Variants in KTN1 observed in about 807,000 individuals in gnomAD.
KTN1 encodes the protein kinectin.
Under a neutral mutation model 222.5 loss-of-function variants are expected in KTN1, and 130 were observed. That is an observed-to-expected ratio of 0.58 (90% CI 0.51 to 0.68). KTN1 has a LOEUF of 0.68. Ranked by LOEUF, KTN1 falls within the 30% of genes least tolerant of loss-of-function variation. The pLI, the probability that KTN1 is intolerant of heterozygous loss-of-function variation, is 0.00. For synonymous variants in KTN1, 512 were observed against 496.3 expected, an observed-to-expected ratio of 1.03 and a Z score of -0.42; for missense variants, 1,508 against 1,500.4, an observed-to-expected ratio of 1.01 and a Z score of -0.08.
intron 1 of KTN1, among the ~76,000 whole-genome samples, chr14:55,591,756 A>T (rs1305215017): frequency 6.6e-6 from 1 of 151,822 alleles, no homozygotes; most frequent in African/African-American, 2.4e-5. Context: ...TTGTATTTTT[A>T]GTAGAGATAG....
In KTN1 at chr14:55,618,112, A is replaced by T. The variant is rs1332048680; in HGVS notation, c.810A>T (p.Lys270Asn). 6.2e-7 allele frequency: 1 copy of T among 1,611,556 alleles called. No individual in the cohort carries two copies. The highest frequency in any genetic ancestry group is 1.7e-5 in the Admixed American group (1 of 59,760). The change falls in exon 4 of 44, where the codon AAA becomes AAT. Residue 270 changes from lysine (K) to asparagine (N), a missense_variant. By Grantham distance (94) the Lys-to-Asn change is moderately conservative. Transcript: ENST00000395314. Reference protein sequence around the residue: ...VEGIQKSGTKKLKTETDKENA... With the variant: ...VEGIQKSGTKNLKTETDKENA... The stretch of plus-strand genomic sequence containing the variant: ...GGATCCAGAAATCTGGGACTAAAAA[A>T]CTGAAGACCGAAACTGACAAAGGTA...
intron 21 of KTN1, 113 bp downstream of exon 21, chr14:55,648,983 T>C (rs1466926780): frequency 1.4e-6 from 1 of 706,766 alleles, no homozygotes; most frequent in Non-Finnish European, 2.4e-6. Context: ...TGGAGTGCAG[T>C]GGTACAATCA....
At chr14:55,606,062 T>G (rs558470676) in intron 1 of KTN1, among the ~76,000 whole-genome samples, 2 of 152,252 alleles carry the variant, frequency 1.3e-5, no homozygotes, top group Non-Finnish European at 2.9e-5. Context: ...GTGATCAGAT[T>G]ACAGATAGTT....
chr14:55,671,946 T>G (rs2045491016), intron 37 of KTN1, 69 bp downstream of exon 37: 1 of 904,322 alleles, frequency 1.1e-6, no homozygotes, highest in Admixed American at 1.9e-5. Flanking sequence ...AGCATCAGCA[T>G]CACCATGCAC....
chr14:55,669,607 C>T (rs886554485), intron 34 of KTN1, among the ~76,000 whole-genome samples: 3 of 151,756 alleles, frequency 2.0e-5, no homozygotes, highest in African/African-American at 7.3e-5. Flanking sequence ...AATTATATGA[C>T]CTAGAAGGAA....
chr14:55,632,073 T>C (rs532028774), intron 7 of KTN1, among the ~76,000 whole-genome samples: 21 of 152,210 alleles, frequency 1.4e-4, no homozygotes, highest in Non-Finnish European at 2.6e-4. Context: ...TTTCATGTTC[T>C]TACCCTATCC....
At chr14:55,651,712 A>G (rs918723072) in intron 24 of KTN1, 178 bp from the exon 25 acceptor site, 23 of 539,934 alleles carry the variant, frequency 4.3e-5, no homozygotes, top group Admixed American at 7.3e-5. Context: ...TTTTTAGTTT[A>G]TTAATTTTCC....
intron 1 of KTN1, among the ~76,000 whole-genome samples, chr14:55,605,294 T>G (rs904338552): frequency 6.6e-6 from 1 of 152,220 alleles, no homozygotes; most frequent in Non-Finnish European, 1.5e-5. Flanking sequence ...GTTAGTTATT[T>G]GAGACGGAGT....
In KTN1 at chr14:55,658,567, T is replaced by C. The variant is rs773582159; in HGVS notation, c.2914T>C (p.Leu972=). 4 of 1,598,862 alleles carry C rather than the reference T, an allele frequency of 2.5e-6. No homozygotes were observed. In the South Asian group the frequency reaches 4.4e-5, roughly 18 times the overall value. Residue 972 remains leucine (L), a synonymous_variant, in exon 30 of 44, where the codon TTG becomes CTG. Coordinates refer to ENST00000395314, the MANE Select transcript of KTN1 (RefSeq NM_001079521.2). Reference sequence around the variant, plus strand: ...TTAGGATGTACAAGATGAAAACAAATTGTTTAAGTCCCAAATTGAGCAGCT... The same window carrying C: ...TTAGGATGTACAAGATGAAAACAAACTGTTTAAGTCCCAAATTGAGCAGCT... The part of the protein sequence containing the change: ...LLQDVQDENK[L]FKSQIEQLKQ...
intron 18 of KTN1, chr14:55,644,233 C>A: frequency 3.3e-4 from 127 of 385,414 alleles, no homozygotes; most frequent in Non-Finnish European, 4.2e-4. Flanking sequence ...TCTGTCATTT[C>A]CACTTTTCTT....
At position 55,629,968 on chromosome 14, in the gene KTN1, A is replaced by C. The variant is rs74053638; in HGVS notation, c.1092A>C (p.Thr364=). Residue 364 remains threonine (T), a synonymous_variant, in exon 7 of 44, where the codon ACA becomes ACC. Transcript: ENST00000395314. Reference sequence around the variant, plus strand: ...GGATATTCTTTTAGGAAATGATGACAGAGAAAGAAAGAAGCAATGTGGTTA... The same window carrying C: ...GGATATTCTTTTAGGAAATGATGACCGAGAAAGAAAGAAGCAATGTGGTTA... ...RCKQLTQEMM[T]EKERSNVVIT... 5.9e-3 allele frequency: 9,453 copies of C among 1,590,412 alleles called. 304 individuals carry two copies. In the African/African-American group the frequency reaches 0.081, roughly 14 times the overall value.
At chr14:55,641,383 A>T (rs1424573273) in intron 17 of KTN1, among the ~76,000 whole-genome samples, 175 bp downstream of exon 17, 2 of 152,020 alleles carry the variant, frequency 1.3e-5, no homozygotes, top group Non-Finnish European at 1.5e-5. Context: ...CCCCTAGATT[A>T]TCTGTTCTTT....
At chr14:55,623,473 G>A (rs1046388424) in intron 5 of KTN1, among the ~76,000 whole-genome samples, 5 of 152,182 alleles carry the variant, frequency 3.3e-5, no homozygotes, top group African/African-American at 1.2e-4. Context: ...TTCAACTCTC[G>A]GGCTCAAGCG....
intron 37 of KTN1, chr14:55,672,250 A>G: frequency 4.4e-6 from 1 of 229,270 alleles, no homozygotes; most frequent in Admixed American, 5.3e-5. Context: ...TTATTTTGCA[A>G]CCTTAATTTT....
In KTN1 at chr14:55,593,627, T is replaced by C. The variant is rs140852297; in HGVS notation, c.-31+13273T>C. ...AGTACGTGAAAGGAGACAAGAAATATACCAGTCAAGGAATAACAAAATACT... is the reference window on the plus strand; with the variant it reads ...AGTACGTGAAAGGAGACAAGAAATACACCAGTCAAGGAATAACAAAATACT... On this transcript the variant is annotated intron_variant, in intron 1 of 43. Transcript: ENST00000395314. Among the ~76,000 whole-genome samples, 281 of 152,122 alleles carry C rather than the reference T, an allele frequency of 1.8e-3. 1 individual carries two copies. The highest frequency in any genetic ancestry group is 5.2e-3 in the African/African-American group (217 of 41,518).
intron 15 of KTN1, among the ~76,000 whole-genome samples, 189 bp downstream of exon 15, chr14:55,640,631 TC>T (rs1026531557): frequency 6.6e-6 from 1 of 151,974 alleles, no homozygotes; most frequent in African/African-American, 2.4e-5. Context: ...ATTAATCACT[TC>T]AAGATATCAC....
At chr14:55,627,233 G>C (rs1313230652) in intron 5 of KTN1, among the ~76,000 whole-genome samples, 1 of 152,016 alleles carries the variant, frequency 6.6e-6, no homozygotes, top group Non-Finnish European at 1.5e-5. Flanking sequence ...AATTCCTGTA[G>C]TTCTTCGTAA....
intron 28 of KTN1, among the ~76,000 whole-genome samples, chr14:55,654,319 G>A (rs893804918): frequency 1.0e-4 from 15 of 149,652 alleles, no homozygotes; most frequent in Non-Finnish European, 2.1e-4. Context: ...AAGATATTGA[G>A]GATATTTATT....
intron 33 of KTN1, among the ~76,000 whole-genome samples, chr14:55,664,297 A>G (rs764606607): frequency 6.6e-6 from 1 of 152,126 alleles, no homozygotes; most frequent in Non-Finnish European, 1.5e-5. Flanking sequence ...CAGAAGACCG[A>G]TGTTAACCTC....
Sources: gnomAD v4.1 joint callset for allele counts (sites outside exome capture counted in the v4.1 genomes callset) on GRCh38, gnomAD v4.1.1 for gene constraint, MANE v1.5 for transcripts, NCBI Gene and HGNC (gene_info 2026-07-23, HGNC 2026-07-21) for gene names.